Variants in ZSWIM9 observed in about 807,000 individuals in gnomAD.
ZSWIM9 encodes uncharacterized protein ZSWIM9.
ZSWIM9 carries 11 observed loss-of-function variants against 25.0 expected under a neutral mutation model. The observed-to-expected ratio is 0.44, with a 90% CI of 0.28 to 0.73. ZSWIM9 has a LOEUF of 0.73. Among genes scored for constraint, ZSWIM9 ranks in the 30% least tolerant of loss-of-function variants. The pLI is 0.16. For synonymous variants in ZSWIM9, 562 were observed against 582.1 expected (o/e 0.97, Z 0.50); for missense variants, 1,070 against 1,296.5 (o/e 0.83, Z 2.68).
Position 48,195,835 on chromosome 19 carries a change from G to A in ZSWIM9, c.1771G>A (p.Glu591Lys). The A allele has an allele frequency of 2.7e-6, 4 of 1,472,588 alleles. No individual in the cohort carries two copies. The highest frequency in any genetic ancestry group is 1.4e-5 in the African/African-American group (1 of 70,042). The allele number at this position is 1,472,588 out of a possible 1,614,324, so 91.2% of individuals were successfully genotyped here. A position where few individuals can be genotyped will look rare whatever the true frequency, so the allele number is the denominator to read the frequency against. ...QLEDQALRGL[E>K]GYTWRVAQLE... ...GGAGGACCAGGCGCTAAGAGGATTG[G>A]AAGGGTATACCTGGAGGGTGGCCCA... Residue 591 changes from glutamate to lysine, a missense_variant, in exon 4 of 4, where the codon GAA becomes AAA. Physicochemically the swap from Glu to Lys is moderately conservative, Grantham distance 56. Coordinates refer to ENST00000614654, the MANE Select transcript of ZSWIM9 (RefSeq NM_199341.4). The surrounding 1 kb of genome is among the most constrained non-coding windows in gnomAD (Gnocchi z 5.8).
rs2037184433 is a variant in ZSWIM9 at position 48,197,570 on chromosome 19, A to T, written c.*743A>T. 3 of 431,598 alleles carry T rather than the reference A, an allele frequency of 7.0e-6. No individual in the cohort carries two copies. Among genetic ancestry groups the T allele is most frequent in the Non-Finnish European group, 8.4e-6 (2 of 237,886 alleles). The allele number at this position is 431,598 out of a possible 1,614,324, so 26.7% of individuals were successfully genotyped here. A position where few individuals can be genotyped will look rare whatever the true frequency, so the allele number is the denominator to read the frequency against. On this transcript the variant is annotated 3_prime_UTR_variant, in exon 4 of 4. Coordinates refer to ENST00000614654, the MANE Select transcript of ZSWIM9 (RefSeq NM_199341.4). ...GGAGAGTCTCCAGCAGGGGAGGGGA[A>T]TTGTTTGGACTATTGTTCTTCAGGA...
intron 2 of ZSWIM9, among the ~76,000 whole-genome samples, chr19:48,176,192 C>T (rs1439802986): frequency 3.3e-5 from 5 of 151,756 alleles, no homozygotes; most frequent in African/African-American, 1.2e-4. Flanking sequence ...GGCAACAGAG[C>T]GAGACTCTAT....
intron 2 of ZSWIM9, among the ~76,000 whole-genome samples, chr19:48,174,452 C>G (rs755163670): frequency 2.6e-5 from 4 of 152,128 alleles, no homozygotes; most frequent in Non-Finnish European, 5.9e-5. Flanking sequence ...AGCATGGACT[C>G]TGGGCCATTG....
chr19:48,180,008 C>T (rs2036931356), intron 2 of ZSWIM9, among the ~76,000 whole-genome samples: 1 of 152,048 alleles, frequency 6.6e-6, no homozygotes. Context: ...GGAGCCTCTT[C>T]CTCCATTTGT....
chr19:48,178,717 G>A (rs2036918733), intron 2 of ZSWIM9, among the ~76,000 whole-genome samples: 1 of 151,968 alleles, frequency 6.6e-6, no homozygotes, highest in African/African-American at 2.4e-5. Flanking sequence ...CTGGGACTAT[G>A]GGCGTGTGCC....
In ZSWIM9 at chr19:48,172,053, G is replaced by C; in HGVS notation, c.251G>C (p.Arg84Pro). ...GTGCGGCTTGTGTGCAAGGACGTGC[G>C]TGCGCCCAGCCGGCCCGCCGTGGGG... ...SYVRLVCKDV[R>P]APSRPAVGPP... is the part of the protein sequence containing the mutation. The change falls in exon 2 of 4, where the codon CGT becomes CCT. Residue 84 changes from arginine to proline, a missense_variant. Coordinates refer to ENST00000614654, the MANE Select transcript of ZSWIM9 (RefSeq NM_199341.4). The C allele has an allele frequency of 2.6e-6, 4 of 1,525,600 alleles. No homozygotes were observed. The highest frequency in any genetic ancestry group is 3.5e-6 in the Non-Finnish European group (4 of 1,138,764). 94.5% of individuals were successfully genotyped at this position (1,525,600 alleles called of 1,614,324 possible). A position where few individuals can be genotyped will look rare whatever the true frequency, so the allele number is the denominator to read the frequency against.
chr19:48,196,830 C>A lies in ZSWIM9; in HGVS notation c.*3C>A, dbSNP rs2037173392. On this transcript the variant is annotated 3_prime_UTR_variant, in exon 4 of 4. Coordinates refer to ENST00000614654, the MANE Select transcript of ZSWIM9 (RefSeq NM_199341.4). The stretch of plus-strand genomic sequence containing the variant: ...GGGGGAGAGCCCCAGAGCCCTGACC[C>A]TTCATGCCTCTGCCCACCACCCTCC... The A allele has an allele frequency of 8.0e-7, 1 of 1,243,094 alleles. No homozygotes were observed. The highest frequency in any genetic ancestry group is 1.0e-6 in the Non-Finnish European group (1 of 994,664). 77.0% of individuals were successfully genotyped at this position (1,243,094 alleles called of 1,614,324 possible).
In ZSWIM9 at chr19:48,171,945, A is replaced by G; in HGVS notation, c.143A>G (p.Lys48Arg). 3 of 1,535,842 alleles carry G rather than the reference A, an allele frequency of 2.0e-6. No individual in the cohort carries two copies. Among genetic ancestry groups the G allele is most frequent in the Non-Finnish European group, 2.6e-6 (3 of 1,146,692 alleles). The change falls in exon 2 of 4, where the codon AAG (lysine) becomes AGG (arginine). Residue 48 changes from lysine to arginine, a missense_variant. Coordinates refer to ENST00000614654, the MANE Select transcript of ZSWIM9 (RefSeq NM_199341.4). ...CQQRLALFFVKSSMHLARCRW... is the reference protein window; with the variant it reads ...CQQRLALFFVRSSMHLARCRW... ...CAGCGGCTGGCGCTCTTCTTCGTCA[A>G]GAGCTCCATGCACCTGGCGCGCTGC...
At chr19:48,187,939 A>AATAG (rs58658973) in intron 3 of ZSWIM9, among the ~76,000 whole-genome samples, 33,720 of 140,090 alleles carry the variant, frequency 0.24, 4,244 homozygotes, top group East Asian at 0.27. Flanking sequence ...AGACCCTTTA[A>AATAG]ATAGATAGAT....
At chr19:48,175,934 G>A (rs770637320) in intron 2 of ZSWIM9, among the ~76,000 whole-genome samples, 101 of 152,318 alleles carry the variant, frequency 6.6e-4, no homozygotes, top group Non-Finnish European at 1.2e-3. Context: ...AGTCGGGTGC[G>A]GTGGCTCTCG....
At chr19:48,181,914 A>G (rs1366113266) in intron 2 of ZSWIM9, 1 of 152,736 alleles carries the variant, frequency 6.5e-6, no homozygotes, top group Admixed American at 6.5e-5. Flanking sequence ...AAAAATATAC[A>G]TGGAATGCTA....
chr19:48,196,830 C>G lies in ZSWIM9; in HGVS notation c.*3C>G. ...GGGGGAGAGCCCCAGAGCCCTGACC[C>G]TTCATGCCTCTGCCCACCACCCTCC... On this transcript the variant is annotated 3_prime_UTR_variant, in exon 4 of 4. Coordinates refer to ENST00000614654, the MANE Select transcript of ZSWIM9 (RefSeq NM_199341.4). 4.0e-6 allele frequency: 5 copies of G among 1,243,094 alleles called. No homozygotes were observed. The South Asian group carries it at 1.6e-4, about 39-fold the overall frequency. The allele number at this position is 1,243,094 out of a possible 1,614,324, so 77.0% of individuals were successfully genotyped here. A position where few individuals can be genotyped will look rare whatever the true frequency, so the allele number is the denominator to read the frequency against.
intron 3 of ZSWIM9, among the ~76,000 whole-genome samples, chr19:48,186,934 G>T (rs2037018034): frequency 6.6e-6 from 1 of 152,176 alleles, no homozygotes; most frequent in Non-Finnish European, 1.5e-5. Context: ...CCCAGTCACT[G>T]GGGGTGGGGG....
Position 48,194,820 on chromosome 19 carries a change from G to A in ZSWIM9, c.756G>A (p.Ser252=), listed in dbSNP as rs953720589. 16 of 1,478,324 alleles carry A rather than the reference G, an allele frequency of 1.1e-5. No homozygotes were observed. Among genetic ancestry groups the A allele is most frequent in the African/African-American group, 2.9e-5 (2 of 68,522 alleles). 91.6% of individuals were successfully genotyped at this position (1,478,324 alleles called of 1,614,324 possible). A position where few individuals can be genotyped will look rare whatever the true frequency, so the allele number is the denominator to read the frequency against. ...TGGCCGTGCTGTGCGTGGACGGCTCGGGCCGTGCGCGCCAGGCTGCCTGCT... is the reference window on the plus strand; with the variant it reads ...TGGCCGTGCTGTGCGTGGACGGCTCAGGCCGTGCGCGCCAGGCTGCCTGCT... The part of the protein sequence containing the change: ...DLLAVLCVDG[S]GRARQAACCV... Residue 252 remains serine (S), a synonymous_variant, in exon 4 of 4, where the codon TCG becomes TCA. Coordinates refer to ENST00000614654, the MANE Select transcript of ZSWIM9 (RefSeq NM_199341.4). This position sits in a 1 kb window ranked among gnomAD's most constrained non-coding sequence, Gnocchi z 6.0.
Position 48,196,781 on chromosome 19 carries a change from A to G in ZSWIM9, c.2717A>G (p.His906Arg). ...ARLLTGAALFHMDLLRDCWGR... is the reference protein window; with the variant it reads ...ARLLTGAALFRMDLLRDCWGR... ...CTCCTCACTGGGGCTGCCTTATTCC[A>G]CATGGACCTGCTCAGGGATTGCTGG... Residue 906 changes from histidine (H) to arginine (R), a missense_variant, in exon 4 of 4, where the codon CAC becomes CGC. This residue lies in a region of ZSWIM9 where 583 missense variants were observed against 624.7 expected (regional missense o/e 0.93). Transcript: ENST00000614654. 2 of 1,235,042 alleles carry G rather than the reference A, an allele frequency of 1.6e-6. No homozygotes were observed. Among genetic ancestry groups the G allele is most frequent in the Non-Finnish European group, 2.0e-6 (2 of 989,890 alleles). 76.5% of individuals were successfully genotyped at this position (1,235,042 alleles called of 1,614,324 possible).
intron 3 of ZSWIM9, chr19:48,186,618 A>C (rs1466512276): frequency 6.5e-6 from 1 of 154,838 alleles, no homozygotes; most frequent in Admixed American, 6.5e-5. Flanking sequence ...GCTGTTTTGC[A>C]TCTTGCTTTA....
At chr19:48,171,374 G>C (rs1269371559) in intron 1 of ZSWIM9, 1 of 985,404 alleles carries the variant, frequency 1.0e-6, no homozygotes. Context: ...AGATGAATAC[G>C]AGAGTTAGAA....
chr19:48,179,361 C>T (rs1007360931), intron 2 of ZSWIM9, among the ~76,000 whole-genome samples: 3 of 151,722 alleles, frequency 2.0e-5, no homozygotes, highest in Non-Finnish European at 1.5e-5. Context: ...TAGAGAAGGG[C>T]TCTTGCTATG....
chr19:48,184,432 G>A (rs1031457860), intron 3 of ZSWIM9, among the ~76,000 whole-genome samples: 1 of 152,086 alleles, frequency 6.6e-6, no homozygotes, highest in African/African-American at 2.4e-5. Flanking sequence ...AGAAAGATGA[G>A]AAAGTAGGGG....
Sources: allele counts gnomAD v4.1 joint callset (sites outside exome capture counted in the v4.1 genomes callset), GRCh38; gene constraint gnomAD v4.1.1; regional missense constraint gnomAD v4.1.1; non-coding constraint Gnocchi (gnomAD v3.1); transcripts MANE v1.5; gene names NCBI Gene and HGNC (gene_info 2026-07-23, HGNC 2026-07-21).